The following PIP5K1C variants were observed in gnomAD, a reference collection of about 807,000 sequenced individuals.
PIP5K1C encodes the protein phosphatidylinositol 4-phosphate 5-kinase type-1 gamma.
PIP5K1C carries 45 observed loss-of-function variants against 80.1 expected under a neutral mutation model. The ratio of observed to expected loss-of-function variants is 0.56; its 90% CI spans 0.44 to 0.72. The LOEUF is 0.72. PIP5K1C is among the 30% of genes least tolerant of loss of function. PIP5K1C has a pLI of 0.00. For missense variants in PIP5K1C, 753 were observed against 954.6 expected (o/e 0.79, Z 2.78); for synonymous variants, 498 against 420.1 (o/e 1.19, Z -2.27).
chr19:3,650,914 G>A (rs899250509), intron 8 of PIP5K1C, among the ~76,000 whole-genome samples: 9 of 152,082 alleles, frequency 5.9e-5, no homozygotes, highest in South Asian at 2.1e-4. Context: ...GCACCACCAC[G>A]CCCAGCTAAT....
chr19:3,657,319 A>T (rs1162729346), intron 5 of PIP5K1C, among the ~76,000 whole-genome samples: 1 of 152,190 alleles, frequency 6.6e-6, no homozygotes, highest in African/African-American at 2.4e-5. Flanking sequence ...CGATTTGCTA[A>T]GGACTAGAAT....
chr19:3,690,961 G>T (rs780731287), intron 1 of PIP5K1C, among the ~76,000 whole-genome samples: 2 of 152,124 alleles, frequency 1.3e-5, no homozygotes, highest in African/African-American at 4.8e-5. Flanking sequence ...TGGTGACCCC[G>T]TCTCCCTGGT....
chr19:3,674,299 T>C (rs2035293992), intron 1 of PIP5K1C: 1 of 152,248 alleles, frequency 6.6e-6, no homozygotes. Context: ...GTTTGAAGCT[T>C]CTGTCTGGGG....
At chr19:3,684,027 G>A (rs1459888034) in intron 1 of PIP5K1C, among the ~76,000 whole-genome samples, 1 of 149,524 alleles carries the variant, frequency 6.7e-6, no homozygotes, top group Non-Finnish European at 1.5e-5. Flanking sequence ...CTCTGTCTCT[G>A]CAGCAGGCCC....
intron 13 of PIP5K1C, 97 bp downstream of exon 13, chr19:3,643,146 C>G (rs2034046854): frequency 3.8e-6 from 6 of 1,580,666 alleles, no homozygotes; most frequent in Non-Finnish European, 5.2e-6. Flanking sequence ...ATGCTCCACC[C>G]ACATGCACAG....
intron 1 of PIP5K1C, among the ~76,000 whole-genome samples, chr19:3,675,941 T>G (rs772658856): frequency 1.3e-4 from 20 of 152,190 alleles, no homozygotes; most frequent in Non-Finnish European, 2.8e-4. Flanking sequence ...CAGTAGCCCC[T>G]GAGGTTAAAC....
rs555536331 is a variant in PIP5K1C, at chr19:3,686,926, C to T, written c.94+13371G>A. On this transcript the variant is annotated intron_variant, in intron 1 of 17. Coordinates refer to ENST00000335312, the MANE Select transcript of PIP5K1C (RefSeq NM_012398.3). ...AACAGATCAAGGCCAGGTGCAGTGG[C>T]TCACACCGGTAATCCCAGCACTTTG... Among the ~76,000 whole-genome samples, 185 of 152,132 alleles carry T rather than the reference C, an allele frequency of 1.2e-3. 2 individuals are homozygous for T. Among genetic ancestry groups the T allele is most frequent in the African/African-American group, 4.4e-3 (181 of 41,506 alleles).
At chr19:3,646,175 G>C (rs1438875646) in intron 10 of PIP5K1C, 117 bp from the exon 11 acceptor site, 2 of 715,350 alleles carry the variant, frequency 2.8e-6, no homozygotes, top group African/African-American at 1.7e-5. Flanking sequence ...GAAAAGGCTC[G>C]AGATGGGTCC....
intron 1 of PIP5K1C, among the ~76,000 whole-genome samples, chr19:3,693,053 G>A (rs994583846): frequency 2.6e-5 from 4 of 151,910 alleles, no homozygotes; most frequent in African/African-American, 7.3e-5. Flanking sequence ...TGTCCACTGC[G>A]TTGCGTGTTT....
intron 6 of PIP5K1C, among the ~76,000 whole-genome samples, chr19:3,654,375 G>A (rs1170606273): frequency 2.0e-5 from 3 of 152,238 alleles, no homozygotes; most frequent in Admixed American, 6.5e-5. Flanking sequence ...AGGTGTCGGG[G>A]CTGAGACAGA....
At chr19:3,644,037 C>T (rs1180821505) in intron 12 of PIP5K1C, 50 bp downstream of exon 12, 3 of 1,592,248 alleles carry the variant, frequency 1.9e-6, no homozygotes, top group Non-Finnish European at 2.6e-6. Context: ...GGGGCTGCTG[C>T]TGGCACCCCC....
Position 3,653,353 on chromosome 19 carries a change from C to T in PIP5K1C, c.858G>A (p.Glu286=), listed in dbSNP as rs1329549291. ...KDLDFMQDMP[E]GLLLDADTFS... Reference sequence around the variant, plus strand: ...AGGTGTCGGCGTCCAGCAGGAGCCCCTCGGGCATGTCCTGCATGAAGTCCA... The same window carrying T: ...AGGTGTCGGCGTCCAGCAGGAGCCCTTCGGGCATGTCCTGCATGAAGTCCA... Residue 286 remains glutamate (E), a synonymous_variant, in exon 7 of 18, where the codon GAG becomes GAA. Transcript: ENST00000335312. 6.2e-7 allele frequency: 1 copy of T among 1,612,160 alleles called. No individual in the cohort carries two copies. Among genetic ancestry groups the T allele is most frequent in the South Asian group, 1.1e-5 (1 of 91,090 alleles).
At chr19:3,697,202 G>C (rs1428129194) in intron 1 of PIP5K1C, among the ~76,000 whole-genome samples, 3 of 151,514 alleles carry the variant, frequency 2.0e-5, no homozygotes, top group Non-Finnish European at 4.4e-5. Flanking sequence ...GACTGAGCCG[G>C]ATGGAGGAGG....
At chr19:3,650,133 G>A in intron 8 of PIP5K1C, 1 of 155,182 alleles carries the variant, frequency 6.4e-6, no homozygotes, top group Non-Finnish European at 1.4e-5. Context: ...CCATCCATGG[G>A]AAATACCACC....
intron 16 of PIP5K1C, among the ~76,000 whole-genome samples, chr19:3,634,146 G>C (rs533422722): frequency 6.6e-6 from 1 of 152,110 alleles, no homozygotes. Flanking sequence ...CCAAGTTCAG[G>C]GCTAGGCACA....
chr19:3,651,157 C>T (rs1352770855), intron 8 of PIP5K1C, among the ~76,000 whole-genome samples: 1 of 151,670 alleles, frequency 6.6e-6, no homozygotes, highest in African/African-American at 2.4e-5. Context: ...CACGCTCACG[C>T]CTGCCACGCC....
intron 1 of PIP5K1C, among the ~76,000 whole-genome samples, chr19:3,686,899 A>T (rs2035778693): frequency 6.6e-6 from 1 of 151,988 alleles, no homozygotes; most frequent in Admixed American, 6.6e-5. Flanking sequence ...AGCAAAGAAA[A>T]AAACAGATCA....
chr19:3,697,346 G>A (rs796626527), intron 1 of PIP5K1C, among the ~76,000 whole-genome samples: 22 of 151,854 alleles, frequency 1.4e-4, no homozygotes, highest in African/African-American at 5.3e-4. Context: ...CTGGACCGGG[G>A]AGGACCGAGC....
At position 3,687,541 on chromosome 19, in the gene PIP5K1C, A is replaced by G. The variant is rs545309974; in HGVS notation, c.94+12756T>C. 3.4e-3 allele frequency among the ~76,000 whole-genome samples: 502 copies of G among 149,084 alleles called. 6 individuals carry two copies. Among genetic ancestry groups the G allele is most frequent in the African/African-American group, 0.012 (474 of 40,548 alleles). ...TGCACACATGCACACGCACACACAT[A>G]CATGCACACATGCACACGCACACAC... On this transcript the variant is annotated intron_variant, in intron 1 of 17. Transcript: ENST00000335312.
Sources: allele counts gnomAD v4.1 joint callset (sites outside exome capture counted in the v4.1 genomes callset), GRCh38; gene constraint gnomAD v4.1.1; transcripts MANE v1.5; gene names NCBI Gene and HGNC (gene_info 2026-07-23, HGNC 2026-07-21).